Variants in RBM33 observed in about 807,000 individuals in gnomAD.
RBM33 encodes RNA-binding protein 33.
In RBM33, 28 loss-of-function variants were observed where a neutral mutation model predicts 132.6. The ratio of observed to expected loss-of-function variants is 0.21; its 90% CI spans 0.16 to 0.29. The LOEUF is 0.29. RBM33 is among the 10% of genes least tolerant of loss of function. The probability of loss-of-function intolerance (pLI) is 1.00; values close to 1 mark genes in which losing one functional copy is unlikely to be tolerated. For missense variants in RBM33, 1,291 were observed against 1,518.5 expected (o/e 0.85, Z 2.49); for synonymous variants, 634 against 593.0 (o/e 1.07, Z -1.01).
At chr7:155,729,129 G>T (rs181992139) in intron 9 of RBM33, among the ~76,000 whole-genome samples, 34 of 152,302 alleles carry the variant, frequency 2.2e-4, no homozygotes, top group African/African-American at 8.2e-4. Context: ...TCACGTGGTG[G>T]CAGGAGAGAG....
intron 5 of RBM33, among the ~76,000 whole-genome samples, chr7:155,696,736 A>G (rs1408578934): frequency 6.6e-6 from 1 of 152,080 alleles, no homozygotes; most frequent in African/African-American, 2.4e-5. Flanking sequence ...TTTCCATTTG[A>G]CTGGTTTTTC....
At chr7:155,672,593 A>G (rs1443971623) in intron 2 of RBM33, among the ~76,000 whole-genome samples, 2 of 152,126 alleles carry the variant, frequency 1.3e-5, no homozygotes, top group East Asian at 1.9e-4. Flanking sequence ...CGTCTCTACT[A>G]AAGATACACA....
intron 12 of RBM33, among the ~76,000 whole-genome samples, chr7:155,740,774 C>G (rs1441905530): frequency 1.3e-5 from 2 of 151,998 alleles, no homozygotes; most frequent in Non-Finnish European, 2.9e-5. Flanking sequence ...GTTTTTGCCT[C>G]CATTAAATAT....
At chr7:155,666,968 T>C (rs1188361641) in intron 2 of RBM33, among the ~76,000 whole-genome samples, 1 of 152,156 alleles carries the variant, frequency 6.6e-6, no homozygotes, top group Non-Finnish European at 1.5e-5. Flanking sequence ...CCAAGAAAGT[T>C]GCAAGAATAA....
In RBM33 at chr7:155,644,955, G is replaced by A. The variant is rs1213379264; in HGVS notation, c.43+36G>A. The A allele has an allele frequency of 7.5e-6, 11 of 1,457,340 alleles. No homozygotes were observed. In the East Asian group the frequency reaches 2.7e-4, roughly 35 times the overall value. 90.3% of individuals were successfully genotyped at this position (1,457,340 alleles called of 1,614,324 possible). A position where few individuals can be genotyped will look rare whatever the true frequency, so the allele number is the denominator to read the frequency against. ...CAGCCGGACTCTGGGGGCCAGGACCGCGCCGCGGTGGGCGGGGGTGTAGGC... is the reference window on the plus strand; with the variant it reads ...CAGCCGGACTCTGGGGGCCAGGACCACGCCGCGGTGGGCGGGGGTGTAGGC... On this transcript the variant is annotated intron_variant, in intron 1 of 17. Coordinates refer to ENST00000401878, the MANE Select transcript of RBM33 (RefSeq NM_053043.3).
intron 3 of RBM33, among the ~76,000 whole-genome samples, chr7:155,673,795 CA>C (rs1563138159): frequency 6.9e-5 from 10 of 144,272 alleles, no homozygotes; most frequent in African/African-American, 1.1e-4. Context: ...CACACACACA[CA>C]CACACCCCTA....
At chr7:155,773,874 T>C (rs1023654919) in intron 16 of RBM33, among the ~76,000 whole-genome samples, 2 of 152,250 alleles carry the variant, frequency 1.3e-5, no homozygotes, top group Non-Finnish European at 2.9e-5. Context: ...CCTCTGTAAA[T>C]CTTTACTGGA....
At chr7:155,764,186 A>G (rs1802138868) in intron 15 of RBM33, among the ~76,000 whole-genome samples, 168 bp downstream of exon 15, 1 of 152,186 alleles carries the variant, frequency 6.6e-6, no homozygotes, top group African/African-American at 2.4e-5. Flanking sequence ...ATTTTCACCA[A>G]AGCCTTTTCC....
At chr7:155,729,850 T>C (rs978016423) in intron 9 of RBM33, among the ~76,000 whole-genome samples, 16 of 152,164 alleles carry the variant, frequency 1.1e-4, no homozygotes, top group Non-Finnish European at 1.5e-5. Context: ...GTTTGGTCCT[T>C]GTGCACTGTA....
intron 9 of RBM33, among the ~76,000 whole-genome samples, chr7:155,726,634 T>C (rs912565160): frequency 4.6e-5 from 7 of 152,238 alleles, no homozygotes; most frequent in African/African-American, 1.7e-4. Context: ...TCACAACTCA[T>C]AACAGTTTTA....
chr7:155,745,432 G>C lies in RBM33; in HGVS notation c.2809G>C (p.Asp937His). The C allele has an allele frequency of 6.2e-7, 1 of 1,613,918 alleles. No homozygotes were observed. The highest frequency in any genetic ancestry group is 8.5e-7 in the Non-Finnish European group (1 of 1,179,876). Reference protein sequence around the residue: ...LHKVLPIKPADVEEPAVPQTP... With the variant: ...LHKVLPIKPAHVEEPAVPQTP... ...TAAAGTGCTCCCGATCAAACCTGCAGATGTGGAGGAGCCAGCTGTCCCCCA... is the reference window on the plus strand; with the variant it reads ...TAAAGTGCTCCCGATCAAACCTGCACATGTGGAGGAGCCAGCTGTCCCCCA... The change falls in exon 14 of 18, where the codon GAT (aspartate) becomes CAT (histidine). Residue 937 changes from aspartate to histidine, a missense_variant. By Grantham distance (81) the Asp-to-His change is moderately conservative. Around this residue, in one of 7 missense-constraint regions of RBM33, gnomAD observed 841 missense variants for 912.0 expected, o/e 0.92. Coordinates refer to ENST00000401878, the MANE Select transcript of RBM33 (RefSeq NM_053043.3). The surrounding 1 kb of genome is among the most constrained non-coding windows in gnomAD (Gnocchi z 4.1).
In RBM33 at chr7:155,741,863, G is replaced by T. The variant is rs1231715004; in HGVS notation, c.2094G>T (p.Met698Ile). Residue 698 changes from methionine (M) to isoleucine (I), a missense_variant, in exon 13 of 18, where the codon ATG becomes ATT. Met to Ile is a conservative substitution (Grantham distance 10). This residue lies in a region of RBM33 where 841 missense variants were observed against 912.0 expected (regional missense o/e 0.92). Transcript: ENST00000401878. ...QNVSKRPMQQMQPTAPRNSNL... is the reference protein window; with the variant it reads ...QNVSKRPMQQIQPTAPRNSNL... ...TAAGCAAGCGGCCCATGCAGCAAAT[G>T]CAGCCCACTGCGCCAAGGAACAGCA... 9 of 1,613,810 alleles carry T rather than the reference G, an allele frequency of 5.6e-6. No homozygotes were observed. The Admixed American group carries it at 1.5e-4, about 27-fold the overall frequency.
At chr7:155,762,901 C>G (rs969556853) in intron 14 of RBM33, among the ~76,000 whole-genome samples, 2 of 152,220 alleles carry the variant, frequency 1.3e-5, no homozygotes, top group African/African-American at 4.8e-5. Context: ...TGACATAATT[C>G]ATCAGGGCGG....
intron 8 of RBM33, among the ~76,000 whole-genome samples, chr7:155,711,833 C>G (rs1800311698): frequency 6.6e-6 from 1 of 152,176 alleles, no homozygotes; most frequent in Non-Finnish European, 1.5e-5. Context: ...TAACCCCATC[C>G]TATGTTGAGG....
In RBM33 at chr7:155,774,955, G is replaced by T. The variant is rs1802554881; in HGVS notation, c.3465-38G>T. The T allele has an allele frequency of 1.9e-6, 3 of 1,601,920 alleles. No homozygotes were observed. Among genetic ancestry groups the T allele is most frequent in the Non-Finnish European group, 1.7e-6 (2 of 1,168,950 alleles). On this transcript the variant is annotated intron_variant, in intron 17 of 17. Coordinates refer to ENST00000401878, the MANE Select transcript of RBM33 (RefSeq NM_053043.3). The surrounding 1 kb of genome is among the most constrained non-coding windows in gnomAD (Gnocchi z 4.2). ...ACCTTGGTAGGTTGATTGCCGATGT[G>T]CAGGGTTAGTGTCGATCGTTTCTTT...
chr7:155,763,684 G>A (rs759528375), intron 14 of RBM33, 128 bp from the exon 15 acceptor site: 16 of 811,676 alleles, frequency 2.0e-5, no homozygotes, highest in Non-Finnish European at 2.7e-5. Context: ...GACAAGTTTC[G>A]AGTCACACTT....
At chr7:155,691,460 C>CTA (rs1360187358) in intron 5 of RBM33, among the ~76,000 whole-genome samples, 1 of 152,102 alleles carries the variant, frequency 6.6e-6, no homozygotes, top group Non-Finnish European at 1.5e-5. Context: ...AGTTGGAAAA[C>CTA]TAATTTTATT....
rs1351882863 is a variant in RBM33 at position 155,775,087 on chromosome 7, A to G, written c.*46A>G. 3.2e-6 allele frequency: 5 copies of G among 1,564,390 alleles called. No homozygotes were observed. Among genetic ancestry groups the G allele is most frequent in the Middle Eastern group, 3.4e-4 (2 of 5,970 alleles). On this transcript the variant is annotated 3_prime_UTR_variant, in exon 18 of 18. Transcript: ENST00000401878. Reference sequence around the variant, plus strand: ...CCTTAGGCTGTACACACACTGTGGAATTTCTTCAAGGGAGCTGCCGGCCGG... The same window carrying G: ...CCTTAGGCTGTACACACACTGTGGAGTTTCTTCAAGGGAGCTGCCGGCCGG...
At chr7:155,646,134 A>G (rs1213335429) in intron 1 of RBM33, among the ~76,000 whole-genome samples, 3 of 152,310 alleles carry the variant, frequency 2.0e-5, no homozygotes, top group African/African-American at 7.2e-5. Flanking sequence ...CACTCTTTTC[A>G]TTAGAAAGAC....
Sources: gnomAD v4.1 joint callset for allele counts (sites outside exome capture counted in the v4.1 genomes callset) on GRCh38, gnomAD v4.1.1 for gene constraint, gnomAD v4.1.1 regional missense constraint, Gnocchi (gnomAD v3.1) non-coding constraint, MANE v1.5 for transcripts, NCBI Gene and HGNC (gene_info 2026-07-23, HGNC 2026-07-21) for gene names.